Variants in SLC44A1 observed in about 807,000 individuals in gnomAD.
The protein encoded by SLC44A1 is solute carrier family 44 member 1.
In SLC44A1, 26 loss-of-function variants were observed where a neutral mutation model predicts 79.3. That is an observed-to-expected ratio of 0.33 (90% CI 0.24 to 0.46). The LOEUF is 0.46. Ranked by LOEUF, SLC44A1 falls within the 20% of genes least tolerant of loss-of-function variation. The pLI is 1.00. For missense variants in SLC44A1, 688 were observed against 798.1 expected (o/e 0.86, Z 1.66); for synonymous variants, 263 against 286.2 (o/e 0.92, Z 0.82).
rs1186312039 is a variant in SLC44A1, at chr9:105,298,385, T to C, written c.37-835T>C. Among the ~76,000 whole-genome samples the C allele has an allele frequency of 3.3e-5, 5 of 152,270 alleles. No homozygotes were observed. The East Asian group carries it at 7.7e-4, about 24-fold the overall frequency. ...GTTTGTTTTTGAGATGGAGTTTTGC[T>C]CTTGTTGCCCAGGCTGGAGTGCAGT... On this transcript the variant is annotated intron_variant, in intron 1 of 15. Transcript: ENST00000374720.
chr9:105,371,994 GC>G (rs1828118830), intron 12 of SLC44A1, among the ~76,000 whole-genome samples: 1 of 152,142 alleles, frequency 6.6e-6, no homozygotes, highest in South Asian at 2.1e-4. Flanking sequence ...TTCAAAAGAA[GC>G]TTTTGTAGAA....
chr9:105,299,285 C>T lies in SLC44A1; in HGVS notation c.102C>T (p.Leu34=). Reference sequence around the variant, plus strand: ...GCACAGACATACCATGGCTGCTGCTCTTCATCCTCTTCTGCATTGGGATGG... The same window carrying T: ...GCACAGACATACCATGGCTGCTGCTTTTCATCCTCTTCTGCATTGGGATGG... ...RSCTDIPWLL[L]FILFCIGMGF... Residue 34 remains leucine (L), a synonymous_variant, in exon 2 of 16, where the codon CTC becomes CTT. Transcript: ENST00000374720. 1 of 1,592,480 alleles carries T rather than the reference C, an allele frequency of 6.3e-7. No homozygotes were observed.
At chr9:105,351,662 G>GAAAGAAAGAA (rs1254694045) in intron 5 of SLC44A1, among the ~76,000 whole-genome samples, 4 of 150,220 alleles carry the variant, frequency 2.7e-5, no homozygotes, top group Non-Finnish European at 4.4e-5. Flanking sequence ...AAGAAAGAAA[G>GAAAGAAAGAA]AAAGAAAGAA....
chr9:105,385,720 A>G, intron 15 of SLC44A1: 1 of 985,460 alleles, frequency 1.0e-6, no homozygotes, highest in Non-Finnish European at 1.2e-6. Flanking sequence ...TGAAAGGAAC[A>G]GCATCCTCGT....
At chr9:105,416,823 T>C (rs1301519573) in intron 15 of SLC44A1, among the ~76,000 whole-genome samples, 1 of 152,202 alleles carries the variant, frequency 6.6e-6, no homozygotes, top group African/African-American at 2.4e-5. Flanking sequence ...TATCAGGTTG[T>C]TTGTCCCACT....
At chr9:105,327,742 T>C (rs1362432668) in intron 3 of SLC44A1, among the ~76,000 whole-genome samples, 1 of 152,188 alleles carries the variant, frequency 6.6e-6, no homozygotes, top group Non-Finnish European at 1.5e-5. Flanking sequence ...TAACTCTTAC[T>C]CATTCTTTAG....
intron 12 of SLC44A1, among the ~76,000 whole-genome samples, chr9:105,372,269 A>G (rs1032838308): frequency 3.3e-5 from 5 of 152,190 alleles, no homozygotes; most frequent in East Asian, 1.9e-4. Context: ...CTATATATCA[A>G]AATCATACTG....
At chr9:105,380,610 G>A (rs576556406) in intron 13 of SLC44A1, among the ~76,000 whole-genome samples, 1 of 151,964 alleles carries the variant, frequency 6.6e-6, no homozygotes, top group Non-Finnish European at 1.5e-5. Flanking sequence ...ATATATAGCT[G>A]TTACTAATAT....
In SLC44A1 at chr9:105,317,442, G is replaced by A. The variant is rs10119817; in HGVS notation, c.269+7576G>A. The stretch of plus-strand genomic sequence containing the variant: ...TTTTTGTCATATTTTGGGGGTTCAA[G>A]GCAGGGCTTGCATTTTATCAGGGTA... On this transcript the variant is annotated intron_variant, in intron 3 of 15. Coordinates refer to ENST00000374720, the MANE Select transcript of SLC44A1 (RefSeq NM_080546.5). Among the ~76,000 whole-genome samples, 572 of 152,240 alleles carry A rather than the reference G, an allele frequency of 3.8e-3. 3 individuals carry two copies. Among genetic ancestry groups the A allele is most frequent in the African/African-American group, 0.013 (551 of 41,564 alleles).
chr9:105,426,453 C>T (rs1829324181), intron 15 of SLC44A1, among the ~76,000 whole-genome samples: 1 of 152,174 alleles, frequency 6.6e-6, no homozygotes, highest in African/African-American at 2.4e-5. Flanking sequence ...TTTGCCCACA[C>T]ATTTTTGGTT....
chr9:105,245,673 G>A (rs1234712637), intron 1 of SLC44A1, among the ~76,000 whole-genome samples: 1 of 152,238 alleles, frequency 6.6e-6, no homozygotes, highest in Non-Finnish European at 1.5e-5. Context: ...TGTAACAGGA[G>A]GAAGAGGTTC....
At chr9:105,380,120 G>A (rs1302568820) in intron 13 of SLC44A1, among the ~76,000 whole-genome samples, 2 of 152,128 alleles carry the variant, frequency 1.3e-5, no homozygotes, top group South Asian at 2.1e-4. Context: ...TTTAACAATC[G>A]TGGGATGTAT....
Position 105,356,357 on chromosome 9 carries a change from T to C in SLC44A1, c.646T>C (p.Leu216=), listed in dbSNP as rs536293602. Residue 216 remains leucine (L), a synonymous_variant, in exon 6 of 16, where the codon TTG becomes CTG. Coordinates refer to ENST00000374720, the MANE Select transcript of SLC44A1 (RefSeq NM_080546.5). ...SGVMTSKEII[L]GLCLLSLVLS... is the part of the protein sequence containing the mutation. ...AGTAATGACCAGCAAAGAAATTATA[T>C]TGGGACTTTGCTTGTTATCACTAGG... The C allele has an allele frequency of 2.5e-6, 4 of 1,602,648 alleles. No homozygotes were observed. Among genetic ancestry groups the C allele is most frequent in the African/African-American group, 2.7e-5 (2 of 74,308 alleles).
chr9:105,335,663 AC>A lies in SLC44A1; in HGVS notation c.371del (p.Thr124IlefsTer2), dbSNP rs1195761619. ...AGCGTGTCCAAGGCAAGAACTGAAA[AC>A]TCTGAGTGATGTTCAGAAGTTTGCA... ...VAACPRQELK[T>X]LSDVQKFAEI... On this transcript the variant is annotated frameshift_variant, in exon 4 of 16. Transcript: ENST00000374720. LOFTEE classifies it high-confidence loss of function. 2.5e-6 allele frequency: 4 copies of A among 1,613,456 alleles called. No homozygotes were observed. Among genetic ancestry groups the A allele is most frequent in the Non-Finnish European group, 3.4e-6 (4 of 1,179,674 alleles).
In SLC44A1 at chr9:105,391,400, A is replaced by G; in HGVS notation, c.*2344A>G. ...TTTTACAAATAAATTTTGTTTTACT[A>G]ACATTGTGTTTAGAAATTATAATCT... is the stretch of plus-strand genomic sequence containing the variant. On this transcript the variant is annotated 3_prime_UTR_variant, in exon 16 of 16. Transcript: ENST00000374720. 1.0e-6 allele frequency: 1 copy of G among 985,078 alleles called. No individual in the cohort carries two copies. Among genetic ancestry groups the G allele is most frequent in the Non-Finnish European group, 1.2e-6 (1 of 829,182 alleles). The allele number at this position is 985,078 out of a possible 1,614,324, so 61.0% of individuals were successfully genotyped here.
intron 1 of SLC44A1, among the ~76,000 whole-genome samples, chr9:105,283,537 C>T (rs1830407082): frequency 6.6e-6 from 1 of 152,142 alleles, no homozygotes; most frequent in Non-Finnish European, 1.5e-5. Flanking sequence ...TGTAAAACTA[C>T]ATCATAAGAC....
chr9:105,335,785 T>A, intron 4 of SLC44A1, 86 bp downstream of exon 4: 1 of 1,232,760 alleles, frequency 8.1e-7, no homozygotes, highest in Non-Finnish European at 1.1e-6. Flanking sequence ...AAATAAATTA[T>A]CAAGGAACCT....
rs577613429 is a variant in SLC44A1 at position 105,392,701 on chromosome 9, C to G, written c.*3645C>G. 1.0e-6 allele frequency: 1 copy of G among 985,282 alleles called. No homozygotes were observed. 61.0% of individuals were successfully genotyped at this position (985,282 alleles called of 1,614,324 possible). A position where few individuals can be genotyped will look rare whatever the true frequency, so the allele number is the denominator to read the frequency against. On this transcript the variant is annotated 3_prime_UTR_variant, in exon 16 of 16. Coordinates refer to ENST00000374720, the MANE Select transcript of SLC44A1 (RefSeq NM_080546.5). ...TGAGGCTTCAACTATTTCCACCATG[C>G]ACTATTACTAGCTACTAACAGCCAT...
At chr9:105,430,069 G>C (rs1454404248) in intron 15 of SLC44A1, among the ~76,000 whole-genome samples, 1 of 151,934 alleles carries the variant, frequency 6.6e-6, no homozygotes, top group African/African-American at 2.4e-5. Flanking sequence ...GCCAATGCCC[G>C]GCGAATTTTT....
Sources: allele counts gnomAD v4.1 joint callset (sites outside exome capture counted in the v4.1 genomes callset), GRCh38; gene constraint gnomAD v4.1.1; transcripts MANE v1.5; gene names NCBI Gene and HGNC (gene_info 2026-07-23, HGNC 2026-07-21).